ATP10A: variants seen among roughly 807,000 people sequenced by gnomAD.
The protein encoded by ATP10A is ATPase phospholipid transporting 10A (putative).
A neutral mutation model predicts 147.8 loss-of-function variants in ATP10A; 111 were observed. The ratio of observed to expected loss-of-function variants is 0.75; its 90% CI spans 0.64 to 0.88. The LOEUF is 0.88. Among genes scored for constraint, ATP10A ranks in the 40% least tolerant of loss-of-function variants. The probability of loss-of-function intolerance (pLI) is 0.00; values close to 1 mark genes in which losing one functional copy is unlikely to be tolerated. For missense variants in ATP10A, 1,927 were observed against 1,959.0 expected, an observed-to-expected ratio of 0.98 and a Z score of 0.31; for synonymous variants, 875 against 841.6, an observed-to-expected ratio of 1.04 and a Z score of -0.69.
At chr15:25,774,528 A>G (rs1004984664) in intron 2 of ATP10A, among the ~76,000 whole-genome samples, 1 of 152,092 alleles carries the variant, frequency 6.6e-6, no homozygotes. Context: ...GTGAGCCGAG[A>G]TAGTGCCATT....
chr15:25,696,044 G>C (rs1900319876), intron 13 of ATP10A, among the ~76,000 whole-genome samples: 1 of 152,154 alleles, frequency 6.6e-6, no homozygotes, highest in Non-Finnish European at 1.5e-5. Flanking sequence ...AGGGGCAGGA[G>C]CTGGAGGCAC....
intron 2 of ATP10A, among the ~76,000 whole-genome samples, chr15:25,762,458 G>T (rs1191946264): frequency 6.6e-6 from 1 of 152,168 alleles, no homozygotes; most frequent in Non-Finnish European, 1.5e-5. Context: ...AAAGAAAAAT[G>T]TTTGTAGAGA....
Position 25,691,806 on chromosome 15 carries a change from G to T in ATP10A, c.3089-15C>A. The T allele has an allele frequency of 6.2e-7, 1 of 1,613,992 alleles. No individual in the cohort carries two copies. Among genetic ancestry groups the T allele is most frequent in the Non-Finnish European group, 8.5e-7 (1 of 1,179,914 alleles). ...GGCTCCATCACCTAGAAACAGCACAGGCAAGAAGAATTGTTTGATTCTAGA... is the reference window on the plus strand; with the variant it reads ...GGCTCCATCACCTAGAAACAGCACATGCAAGAAGAATTGTTTGATTCTAGA... On this transcript the variant is annotated splice_polypyrimidine_tract_variant and intron_variant, in intron 14 of 20. Coordinates refer to ENST00000555815, the MANE Select transcript of ATP10A (RefSeq NM_024490.4).
intron 5 of ATP10A, among the ~76,000 whole-genome samples, 181 bp from the exon 6 acceptor site, chr15:25,724,202 C>T (rs1025794396): frequency 1.3e-5 from 2 of 152,234 alleles, no homozygotes; most frequent in African/African-American, 2.4e-5. Flanking sequence ...GATCCAACTT[C>T]AGGAAGGAGG....
intron 1 of ATP10A, among the ~76,000 whole-genome samples, chr15:25,789,591 T>TGTGTGTGTGTGTGA (rs1555470190): frequency 0.018 from 2,712 of 151,330 alleles, 43 homozygotes; most frequent in Non-Finnish European, 0.022. Context: ...TGTGTGTGTG[T>TGTGTGTGTGTGTGA]GACAGAGACA....
Position 25,687,814 on chromosome 15 carries a change from G to A in ATP10A, c.3180C>T (p.Ser1060=), listed in dbSNP as rs1452844444. ...ATCGGAATTTCGGCACTGCAAAGTC[G>A]CTGGCCATCACTGCCTTCAAAGGGA... is the stretch of plus-strand genomic sequence containing the variant. ...GQEGMQAVMA[S]DFAVPKFRYL... is the part of the protein sequence containing the mutation. Residue 1060 remains serine, a synonymous_variant, in exon 16 of 21, where the codon AGC becomes AGT. Transcript: ENST00000555815. The A allele has an allele frequency of 8.7e-6, 14 of 1,613,760 alleles. No homozygotes were observed. Among genetic ancestry groups the A allele is most frequent in the Non-Finnish European group, 7.6e-6 (9 of 1,179,872 alleles).
rs139071790 is a variant in ATP10A, at chr15:25,765,204, C to T, written c.654+15815G>A. ...GGGGTGTTGTGTCTGCCTGGCACAG[C>T]CTGGTGGCTTCGTGGAGAGACAATG... On this transcript the variant is annotated intron_variant, in intron 2 of 20. Coordinates refer to ENST00000555815, the MANE Select transcript of ATP10A (RefSeq NM_024490.4). Among the ~76,000 whole-genome samples the T allele has an allele frequency of 6.7e-3, 1,024 of 152,234 alleles. 9 individuals carry two copies. The highest frequency in any genetic ancestry group is 0.023 in the African/African-American group (970 of 41,518).
intron 16 of ATP10A, among the ~76,000 whole-genome samples, chr15:25,687,172 C>T (rs1402266617): frequency 6.3e-5 from 3 of 47,510 alleles, no homozygotes; most frequent in Non-Finnish European, 9.7e-5. Flanking sequence ...CAGAGTGAGG[C>T]TAAGTTCCCT....
At position 25,714,086 on chromosome 15, in the gene ATP10A, G is replaced by A. The variant is rs1901623150; in HGVS notation, c.1932C>T (p.Thr644=). 1 of 1,613,340 alleles carries A rather than the reference G, an allele frequency of 6.2e-7. No individual in the cohort carries two copies. Among genetic ancestry groups the A allele is most frequent in the Non-Finnish European group, 8.5e-7 (1 of 1,180,036 alleles). The part of the protein sequence containing the change: ...SHKLGSSFPS[T]PSSDGMLLRL... ...TGAGAAGCATGCCGTCGCTGGACGG[G>A]GTGGACGGGAAGCTGGAGCCCAACT... Residue 644 remains threonine (T), a synonymous_variant, in exon 10 of 21, where the codon ACC becomes ACT. Coordinates refer to ENST00000555815, the MANE Select transcript of ATP10A (RefSeq NM_024490.4).
intron 2 of ATP10A, among the ~76,000 whole-genome samples, chr15:25,764,118 T>G (rs1312979459): frequency 1.7e-4 from 26 of 152,188 alleles, no homozygotes. Flanking sequence ...ATGCAGATCC[T>G]TGCCTCAGTG....
intron 1 of ATP10A, among the ~76,000 whole-genome samples, chr15:25,832,511 T>C (rs948525749): frequency 6.6e-6 from 1 of 152,156 alleles, no homozygotes; most frequent in Non-Finnish European, 1.5e-5. Flanking sequence ...AGGTTGTCAA[T>C]GACCAGATTC....
At position 25,679,699 on chromosome 15, in the gene ATP10A, T is replaced by G. The variant is rs1289349659; in HGVS notation, c.4142A>C (p.Glu1381Ala). ...GCTCAGCCCCTCCAGCAGGGTGTGC[T>G]CCCTCACTGGCATGCTCATGTCCAC... ...STVDMSMPVR[E>A]HTLLEGLSAP... is the part of the protein sequence containing the mutation. The change falls in exon 21 of 21, where the codon GAG becomes GCG. Residue 1381 changes from glutamate (E) to alanine (A), a missense_variant. Coordinates refer to ENST00000555815, the MANE Select transcript of ATP10A (RefSeq NM_024490.4). 1.2e-6 allele frequency: 2 copies of G among 1,613,244 alleles called. No homozygotes were observed. Among genetic ancestry groups the G allele is most frequent in the Non-Finnish European group, 1.7e-6 (2 of 1,179,992 alleles).
At chr15:25,701,133 A>T (rs1490884181) in intron 13 of ATP10A, among the ~76,000 whole-genome samples, 3 of 152,212 alleles carry the variant, frequency 2.0e-5, no homozygotes, top group Non-Finnish European at 1.5e-5. Context: ...CTTGAAAGGC[A>T]GCCTTTCCTA....
At chr15:25,857,222 C>T (rs1435511461) in intron 1 of ATP10A, among the ~76,000 whole-genome samples, 1 of 152,158 alleles carries the variant, frequency 6.6e-6, no homozygotes, top group African/African-American at 2.4e-5. Flanking sequence ...GGAAGGAAGA[C>T]AGCTGGAGCC....
chr15:25,837,573 G>A (rs1892649257), intron 1 of ATP10A, among the ~76,000 whole-genome samples: 1 of 152,192 alleles, frequency 6.6e-6, no homozygotes, highest in African/African-American at 2.4e-5. Context: ...GGCTTTCCAT[G>A]TAGTAGATGT....
intron 2 of ATP10A, among the ~76,000 whole-genome samples, chr15:25,777,116 T>TGTGTGTGTGTGTGTGC (rs890539071): frequency 6.6e-6 from 1 of 151,834 alleles, no homozygotes; most frequent in African/African-American, 2.4e-5. Context: ...TGTGTGTGTG[T>TGTGTGTGTGTGTGTGC]GTACCCGTTC....
At chr15:25,738,937 T>C (rs1268223602) in intron 2 of ATP10A, among the ~76,000 whole-genome samples, 1 of 152,242 alleles carries the variant, frequency 6.6e-6, no homozygotes, top group African/African-American at 2.4e-5. Context: ...TGGAGCTTTC[T>C]TGGCCTCTGA....
chr15:25,831,221 G>A (rs555970592), intron 1 of ATP10A, among the ~76,000 whole-genome samples: 2 of 152,014 alleles, frequency 1.3e-5, no homozygotes, highest in East Asian at 1.9e-4. Flanking sequence ...TGTGTGGCTC[G>A]GGGGCCTCGG....
chr15:25,859,136 GC>G (rs1298917377), intron 1 of ATP10A, among the ~76,000 whole-genome samples: 1 of 152,146 alleles, frequency 6.6e-6, no homozygotes, highest in African/African-American at 2.4e-5. Context: ...AGAACTGCCC[GC>G]CACTCTCCCA....
Sources: gnomAD v4.1 joint callset for allele counts (sites outside exome capture counted in the v4.1 genomes callset) on GRCh38, gnomAD v4.1.1 for gene constraint, MANE v1.5 for transcripts, NCBI Gene and HGNC (gene_info 2026-07-23, HGNC 2026-07-21) for gene names.